The following VPS13B variants were observed in gnomAD, a reference collection of about 807,000 sequenced individuals.
VPS13B encodes the protein vacuolar protein sorting 13 homolog B.
In VPS13B, 285 loss-of-function variants were observed where a neutral mutation model predicts 426.4. The observed-to-expected ratio is 0.67, with a 90% CI of 0.61 to 0.74. VPS13B has a LOEUF of 0.74. Among genes scored for constraint, VPS13B ranks in the 30% least tolerant of loss-of-function variants. The pLI, the probability that VPS13B is intolerant of heterozygous loss-of-function variation, is 0.00. For missense variants in VPS13B, 4,537 were observed against 4,782.6 expected (o/e 0.95, Z 1.51); for synonymous variants, 1,676 against 1,676.4 (o/e 1.00, Z 0.01).
intron 25 of VPS13B, among the ~76,000 whole-genome samples, chr8:99,487,503 G>A (rs566760570): frequency 1.2e-4 from 19 of 152,104 alleles, no homozygotes; most frequent in African/African-American, 4.1e-4. Flanking sequence ...ACAATTTAGT[G>A]GCATTAGGCA....
chr8:99,792,611 G>C (rs1812605438), intron 43 of VPS13B, among the ~76,000 whole-genome samples: 1 of 152,170 alleles, frequency 6.6e-6, no homozygotes, highest in South Asian at 2.1e-4. Context: ...GGAGCTGTGG[G>C]AGGCCTCCAG....
chr8:99,055,640 G>A (rs117843487), intron 3 of VPS13B, among the ~76,000 whole-genome samples: 21 of 152,176 alleles, frequency 1.4e-4, no homozygotes, highest in South Asian at 6.2e-4. Context: ...TATTTTGGGT[G>A]CTATTGTATG....
intron 19 of VPS13B, among the ~76,000 whole-genome samples, chr8:99,290,767 TC>T (rs1178721149): frequency 6.6e-6 from 1 of 152,108 alleles, no homozygotes; most frequent in East Asian, 1.9e-4. Context: ...GGAAAAGGAT[TC>T]CTGGAATAAG....
chr8:99,501,913 T>A (rs1463358914), intron 26 of VPS13B, 55 bp downstream of exon 26: 1 of 1,280,192 alleles, frequency 7.8e-7, no homozygotes, highest in Admixed American at 2.5e-5. Context: ...CCTCCCTCCC[T>A]CCCTCCCTCC....
At chr8:99,658,732 A>G (rs554314260) in intron 34 of VPS13B, among the ~76,000 whole-genome samples, 156 of 152,328 alleles carry the variant, frequency 1.0e-3, no homozygotes, top group African/African-American at 3.6e-3. Flanking sequence ...CCAGAAAGGA[A>G]TTAATGAGAG....
In VPS13B at chr8:99,835,718, A is replaced by G. The variant is rs757442313; in HGVS notation, c.9922A>G (p.Ile3308Val). The G allele has an allele frequency of 2.5e-6, 4 of 1,614,148 alleles. No homozygotes were observed. The highest frequency in any genetic ancestry group is 3.4e-6 in the Non-Finnish European group (4 of 1,180,020). Residue 3308 changes from isoleucine to valine, a missense_variant, in exon 54 of 62, where the codon ATC becomes GTC. This residue lies in a region of VPS13B where 4,311 missense variants were observed against 4,474.3 expected (regional missense o/e 0.96). Coordinates refer to ENST00000357162, the MANE Select transcript of VPS13B (RefSeq NM_152564.5). ...AACTGAGTGGAGTGATGCCATTGAC[A>G]TCAACAGTCAGGGAACACAGGTCAG... Reference protein sequence around the residue: ...VTTEWSDAIDINSQGTQVVFL... With the variant: ...VTTEWSDAIDVNSQGTQVVFL...
intron 23 of VPS13B, among the ~76,000 whole-genome samples, chr8:99,461,970 C>T (rs953541752): frequency 6.6e-6 from 1 of 152,126 alleles, no homozygotes; most frequent in African/African-American, 2.4e-5. Context: ...AATGAGGTCA[C>T]ATAATTTTAG....
At chr8:99,753,567 T>C (rs1810500270) in intron 39 of VPS13B, among the ~76,000 whole-genome samples, 1 of 152,200 alleles carries the variant, frequency 6.6e-6, no homozygotes, top group Non-Finnish European at 1.5e-5. Flanking sequence ...TTTTATTCTT[T>C]CTCTTTAAGG....
chr8:99,823,445 TGAG>T (rs950154314), intron 50 of VPS13B, among the ~76,000 whole-genome samples: 8 of 151,866 alleles, frequency 5.3e-5, no homozygotes, highest in Admixed American at 1.3e-4. Flanking sequence ...TGGGAGACCA[TGAG>T]GAGGAGGAGG....
chr8:99,634,576 T>C (rs918599141), intron 33 of VPS13B, among the ~76,000 whole-genome samples: 5 of 152,010 alleles, frequency 3.3e-5, no homozygotes, highest in Admixed American at 1.3e-4. Context: ...GTGAAAAACA[T>C]TTTTGCCATT....
chr8:99,429,171 C>G (rs1011664602), intron 21 of VPS13B, among the ~76,000 whole-genome samples: 4 of 151,756 alleles, frequency 2.6e-5, no homozygotes, highest in African/African-American at 7.3e-5. Context: ...TGGAGATATA[C>G]CTAATGTTAA....
intron 21 of VPS13B, among the ~76,000 whole-genome samples, chr8:99,425,611 A>C (rs978240487): frequency 6.6e-6 from 1 of 152,228 alleles, no homozygotes; most frequent in African/African-American, 2.4e-5. Flanking sequence ...CCAATATCAT[A>C]CTGAATGGGC....
At chr8:99,469,033 T>G (rs1819259953) in intron 24 of VPS13B, among the ~76,000 whole-genome samples, 1 of 152,112 alleles carries the variant, frequency 6.6e-6, no homozygotes, top group South Asian at 2.1e-4. Context: ...TAATAATATA[T>G]TGGTAAGAGT....
At chr8:99,734,589 C>G (rs75150582) in intron 39 of VPS13B, among the ~76,000 whole-genome samples, 75 of 152,230 alleles carry the variant, frequency 4.9e-4, no homozygotes, top group African/African-American at 1.8e-3. Context: ...TGCTGAGACA[C>G]TTGGGCTTTA....
intron 58 of VPS13B, 130 bp downstream of exon 58, chr8:99,862,076 C>A: frequency 8.8e-7 from 1 of 1,136,680 alleles, no homozygotes. Flanking sequence ...AAGGCACTTG[C>A]TCTGAGTTCT....
chr8:99,038,828 A>G (rs2132223305), intron 3 of VPS13B, among the ~76,000 whole-genome samples: 1 of 151,734 alleles, frequency 6.6e-6, no homozygotes, highest in African/African-American at 2.4e-5. Flanking sequence ...CTGGGACTAC[A>G]GGTGTGCGCC....
chr8:99,610,263 T>C (rs950665171), intron 33 of VPS13B, among the ~76,000 whole-genome samples: 1 of 152,150 alleles, frequency 6.6e-6, no homozygotes, highest in Non-Finnish European at 1.5e-5. Context: ...GGATTATAAA[T>C]CATCCTACTA....
intron 43 of VPS13B, among the ~76,000 whole-genome samples, chr8:99,802,501 T>C (rs1813178294): frequency 6.6e-6 from 1 of 152,218 alleles, no homozygotes; most frequent in Non-Finnish European, 1.5e-5. Flanking sequence ...AAGACATAGT[T>C]GTAATACAAA....
intron 17 of VPS13B, among the ~76,000 whole-genome samples, chr8:99,205,991 A>G (rs534114257): frequency 6.6e-6 from 1 of 152,336 alleles, no homozygotes; most frequent in South Asian, 2.1e-4. Context: ...TAAAGCAGAG[A>G]TTAAAATTTG....
Sources: gnomAD v4.1 joint callset for allele counts (sites outside exome capture counted in the v4.1 genomes callset) on GRCh38, gnomAD v4.1.1 for gene constraint, gnomAD v4.1.1 regional missense constraint, MANE v1.5 for transcripts, NCBI Gene and HGNC (gene_info 2026-07-23, HGNC 2026-07-21) for gene names.